RGPD1: variants seen among roughly 807,000 people sequenced by gnomAD.
The protein encoded by RGPD1 is RANBP2 like and GRIP domain containing 1.
RGPD1 carries 7 observed loss-of-function variants against 40.6 expected under a neutral mutation model. The ratio of observed to expected loss-of-function variants is 0.17; its 90% confidence interval spans 0.10 to 0.32. The LOEUF is 0.32. Among genes scored for constraint, RGPD1 ranks in the 10% least tolerant of loss-of-function variants. The pLI is 1.00. For synonymous variants in RGPD1, 24 were observed against 167.0 expected (o/e 0.14, Z 6.60); for missense variants, 50 against 472.5 (o/e 0.11, Z 8.29).
chr2:86,943,340 G>A (rs1573610857), intron 1 of RGPD1, among the ~76,000 whole-genome samples: 1 of 129,734 alleles, frequency 7.7e-6, no homozygotes, highest in African/African-American at 3.0e-5. Context: ...AAATTCTAAA[G>A]TTCTTACAAA....
intron 1 of RGPD1, among the ~76,000 whole-genome samples, chr2:86,945,451 C>T (rs1429657011): frequency 6.6e-6 from 1 of 152,120 alleles, no homozygotes; most frequent in East Asian, 1.9e-4. Context: ...TTAATATTCT[C>T]CCCCAGTTTG....
intron 21 of RGPD1, among the ~76,000 whole-genome samples, chr2:86,997,269 G>A (rs1254911874): frequency 7.8e-5 from 4 of 51,518 alleles, no homozygotes; most frequent in Non-Finnish European, 1.0e-4. Context: ...GAGTCATATA[G>A]CCCAACACTT....
upstream of RGPD1, among the ~76,000 whole-genome samples, chr2:86,938,711 C>T (rs1416867853): frequency 6.8e-6 from 1 of 147,718 alleles, no homozygotes; most frequent in Non-Finnish European, 1.5e-5. Flanking sequence ...TACATCCCAG[C>T]CTTTGTATAA....
chr2:86,918,626 A>AT lies in RGPD1; in HGVS notation c.72+4711dup, dbSNP rs1246296864. 2.3e-4 allele frequency among the ~76,000 whole-genome samples: 34 copies of AT among 148,480 alleles called. 1 individual carries two copies. Among genetic ancestry groups the AT allele is most frequent in the South Asian group, 2.1e-4 (1 of 4,668 alleles). ...AGGCGCCCGCCACCACGCCCGGCTA[A>AT]TTTTTTGTGTTTTTAGTAGAGATGG... On this transcript the variant is annotated intron_variant, in intron 1 of 22. Transcript: ENST00000398193.
intron 1 of RGPD1, among the ~76,000 whole-genome samples, chr2:86,928,639 T>G (rs1425193372): frequency 6.6e-6 from 1 of 152,180 alleles, no homozygotes; most frequent in African/African-American, 2.4e-5. Context: ...GGTGGCTGGA[T>G]GTGGACAATG....
chr2:86,938,618 A>G (rs1431713412), upstream of RGPD1, among the ~76,000 whole-genome samples: 1 of 152,158 alleles, frequency 6.6e-6, no homozygotes, highest in African/African-American at 2.4e-5. Flanking sequence ...AAAAAAATAA[A>G]TAAATAAAAA....
intron 1 of RGPD1, among the ~76,000 whole-genome samples, chr2:86,947,717 T>C (rs986147132): frequency 1.4e-5 from 2 of 141,142 alleles, no homozygotes; most frequent in African/African-American, 2.6e-5. Flanking sequence ...CTTACCCTTA[T>C]GTTCCAGGGG....
intron 1 of RGPD1, among the ~76,000 whole-genome samples, chr2:86,942,573 C>T (rs1295020936): frequency 2.3e-5 from 3 of 133,264 alleles, no homozygotes; most frequent in South Asian, 2.3e-4. Context: ...GGCCCGGCGG[C>T]GGCCTCGATG....
At chr2:86,941,857 C>T (rs1679786595), upstream of RGPD1, among the ~76,000 whole-genome samples, 1 of 151,452 alleles carries the variant, frequency 6.6e-6, no homozygotes, top group Admixed American at 6.6e-5. Context: ...ATTACAGGGG[C>T]CCACCTCCAC....
At chr2:86,914,543 G>GGGCGGC (rs1322747428) in intron 1 of RGPD1, among the ~76,000 whole-genome samples, 2 of 20,014 alleles carry the variant, frequency 1.0e-4, no homozygotes, top group East Asian at 1.0e-3. Flanking sequence ...CGGCCTGGCC[G>GGGCGGC]GGCGGCGGCG....
At chr2:86,934,707 G>T in intron 1 of RGPD1, 2 of 204,616 alleles carry the variant, frequency 9.8e-6, no homozygotes, top group Non-Finnish European at 2.0e-5. Context: ...TTTCAGCCAG[G>T]CTCTTAATGG....
rs1681511975 is a variant in RGPD1 at position 86,987,210 on chromosome 2, TGTTC to T, written c.4315_4318del (p.Arg1439LeufsTer26). On this transcript the variant is annotated frameshift_variant, in exon 20 of 23. Coordinates refer to ENST00000641458, the MANE Select transcript of RGPD1 (RefSeq NM_001382344.1). LOFTEE classifies it high-confidence loss of function. The stretch of plus-strand genomic sequence containing the variant: ...GAGAAAGAAAAGTAGAGCATTTAGC[TGTTC>T]GTTTTAAACTACAGGATGTTGCAGA... 3 of 855,618 alleles carry T rather than the reference TGTTC, an allele frequency of 3.5e-6. No individual in the cohort carries two copies. Among genetic ancestry groups the T allele is most frequent in the Non-Finnish European group, 4.8e-6 (3 of 623,266 alleles). 53.0% of individuals were successfully genotyped at this position (855,618 alleles called of 1,614,324 possible).
chr2:86,930,803 C>T (rs1450470933), intron 1 of RGPD1: 44 of 974,328 alleles, frequency 4.5e-5, no homozygotes, highest in Non-Finnish European at 5.5e-5. Flanking sequence ...TACCGCCAGC[C>T]GCCCCGCCCC....
At chr2:86,942,476 C>CCTGGCCGGGCGGCGGCGGCGGCCTCGAA (rs1679904516) in intron 1 of RGPD1, among the ~76,000 whole-genome samples, 168 bp downstream of exon 1, 1 of 132,460 alleles carries the variant, frequency 7.5e-6, no homozygotes, top group Admixed American at 7.3e-5. Flanking sequence ...CCGGCCTCGA[C>CCTGGCCGGGCGGCGGCGGCGGCCTCGAA]CTGGCCGGGC....
intron 1 of RGPD1, among the ~76,000 whole-genome samples, chr2:86,931,989 A>T (rs1679021373): frequency 1.4e-5 from 2 of 148,106 alleles, no homozygotes; most frequent in East Asian, 3.9e-4. Context: ...TATTCATATT[A>T]TATATATATG....
At chr2:86,930,769 C>T (rs1573583612) in intron 1 of RGPD1, 31 of 1,297,186 alleles carry the variant, frequency 2.4e-5, no homozygotes, top group Middle Eastern at 2.6e-4. Context: ...CCACCTACAG[C>T]CCCCTGAGGA....
intron 1 of RGPD1, among the ~76,000 whole-genome samples, chr2:86,942,548 C>T (rs1679930522): frequency 7.5e-6 from 1 of 133,414 alleles, no homozygotes; most frequent in African/African-American, 2.8e-5. Context: ...CGGGCGGCGG[C>T]GGCGGCCTCG....
chr2:86,944,261 C>T (rs1019844867), intron 1 of RGPD1, among the ~76,000 whole-genome samples: 4 of 152,068 alleles, frequency 2.6e-5, no homozygotes, highest in South Asian at 2.1e-4. Flanking sequence ...CAGTCTATTC[C>T]TCCAGAGAAG....
intron 1 of RGPD1, among the ~76,000 whole-genome samples, chr2:86,920,661 C>CT (rs1678094383): frequency 7.5e-6 from 1 of 133,384 alleles, no homozygotes; most frequent in Non-Finnish European, 1.6e-5. Flanking sequence ...GGCTCTTTGA[C>CT]TTACTTATTG....
Sources: allele counts gnomAD v4.1 joint callset (sites outside exome capture counted in the v4.1 genomes callset), GRCh38; gene constraint gnomAD v4.1.1; transcripts MANE v1.5; gene names NCBI Gene and HGNC (gene_info 2026-07-23, HGNC 2026-07-21).